CACNA2D3: variants seen among roughly 807,000 people sequenced by gnomAD.
The protein encoded by CACNA2D3 is calcium voltage-gated channel auxiliary subunit alpha2delta 3.
Under a neutral mutation model 160.6 loss-of-function variants are expected in CACNA2D3, and 60 were observed. The ratio of observed to expected loss-of-function variants is 0.37; its 90% CI spans 0.30 to 0.46. The LOEUF (loss-of-function observed/expected upper bound fraction) is 0.46. CACNA2D3 is among the 20% of genes least tolerant of loss of function. The pLI is 1.00. For synonymous variants in CACNA2D3, 558 were observed against 492.9 expected (o/e 1.13, Z -1.75); for missense variants, 1,205 against 1,365.0 (o/e 0.88, Z 1.85).
intron 2 of CACNA2D3, among the ~76,000 whole-genome samples, chr3:54,232,321 A>G (rs79414996): frequency 6.6e-6 from 1 of 152,070 alleles, no homozygotes; most frequent in South Asian, 2.1e-4. Flanking sequence ...GTGAGCATTA[A>G]ATGGGTTGTG....
intron 2 of CACNA2D3, among the ~76,000 whole-genome samples, chr3:54,149,913 CTCTCT>C (rs1700108524): frequency 4.2e-5 from 4 of 95,462 alleles, no homozygotes; most frequent in African/African-American, 1.8e-4. Context: ...CTCTCTCTCT[CTCTCT>C]CTCTCTCTCT....
chr3:54,463,372 T>C (rs1487465149), intron 4 of CACNA2D3, among the ~76,000 whole-genome samples: 1 of 152,226 alleles, frequency 6.6e-6, no homozygotes. Flanking sequence ...GCAGAGTGTT[T>C]TCCAACTTGG....
chr3:54,576,860 C>T (rs1402198), intron 8 of CACNA2D3, among the ~76,000 whole-genome samples: 9,321 of 152,042 alleles, frequency 0.061, 469 homozygotes, highest in Admixed American at 0.17. Context: ...ATAGGGAGAC[C>T]TTGTTGCTAC....
chr3:54,416,899 G>C (rs537514077), intron 4 of CACNA2D3, among the ~76,000 whole-genome samples: 3 of 152,178 alleles, frequency 2.0e-5, no homozygotes, highest in Non-Finnish European at 4.4e-5. Context: ...TTTTAAATTG[G>C]ATACAAAAAA....
At chr3:55,043,601 T>C (rs1008367652) in intron 35 of CACNA2D3, among the ~76,000 whole-genome samples, 1 of 152,178 alleles carries the variant, frequency 6.6e-6, no homozygotes, top group African/African-American at 2.4e-5. Flanking sequence ...GTCTTTTCAT[T>C]GTCTTAATAG....
chr3:54,159,355 G>T (rs1316825134), intron 2 of CACNA2D3, among the ~76,000 whole-genome samples: 1 of 151,800 alleles, frequency 6.6e-6, no homozygotes, highest in African/African-American at 2.4e-5. Flanking sequence ...TACAATTTTA[G>T]GTGCTTTGTC....
chr3:54,728,179 C>G (rs1701313376), intron 11 of CACNA2D3, among the ~76,000 whole-genome samples: 1 of 149,714 alleles, frequency 6.7e-6, no homozygotes, highest in South Asian at 2.1e-4. Context: ...TTTCCTTTGC[C>G]CCATTCTTTT....
At chr3:54,262,088 A>G (rs1702411281) in intron 2 of CACNA2D3, among the ~76,000 whole-genome samples, 1 of 152,158 alleles carries the variant, frequency 6.6e-6, no homozygotes, top group South Asian at 2.1e-4. Flanking sequence ...GAATTCTTCC[A>G]TATTTCACTT....
intron 35 of CACNA2D3, among the ~76,000 whole-genome samples, chr3:55,041,317 A>G (rs1372182321): frequency 6.6e-6 from 1 of 152,172 alleles, no homozygotes; most frequent in East Asian, 1.9e-4. Context: ...AAACACATAT[A>G]TAATTTTTCT....
At chr3:55,045,443 A>G (rs909024017) in intron 35 of CACNA2D3, among the ~76,000 whole-genome samples, 3 of 152,266 alleles carry the variant, frequency 2.0e-5, no homozygotes, top group Non-Finnish European at 2.9e-5. Flanking sequence ...CTCCTCTTTT[A>G]TATTCTAGAA....
At chr3:54,717,844 T>C (rs1293328742) in intron 11 of CACNA2D3, among the ~76,000 whole-genome samples, 3 of 146,766 alleles carry the variant, frequency 2.0e-5, no homozygotes, top group African/African-American at 7.6e-5. Context: ...TGCGTGAGTG[T>C]GTGTGTGGTG....
intron 35 of CACNA2D3, among the ~76,000 whole-genome samples, chr3:55,069,464 A>G (rs768466802): frequency 3.9e-5 from 6 of 152,098 alleles, no homozygotes; most frequent in Non-Finnish European, 8.8e-5. Context: ...ATGTTTTACT[A>G]GATTTATTCT....
intron 4 of CACNA2D3, among the ~76,000 whole-genome samples, chr3:54,479,411 C>A (rs933763625): frequency 2.6e-5 from 4 of 152,144 alleles, no homozygotes; most frequent in African/African-American, 4.8e-5. Flanking sequence ...TGGGACATAT[C>A]CCCTGAGAAT....
At chr3:54,352,887 T>G (rs948886474) in intron 3 of CACNA2D3, among the ~76,000 whole-genome samples, 1 of 152,196 alleles carries the variant, frequency 6.6e-6, no homozygotes, top group African/African-American at 2.4e-5. Flanking sequence ...TGTGGGTACA[T>G]AGTAGGTGTA....
intron 2 of CACNA2D3, among the ~76,000 whole-genome samples, chr3:54,301,076 G>A (rs1172977860): frequency 1.2e-4 from 18 of 151,756 alleles, no homozygotes; most frequent in Admixed American, 1.2e-3. Context: ...GCGACATAGT[G>A]AGATCTTGTC....
rs574674831 is a variant in CACNA2D3 at position 54,452,022 on chromosome 3, A to T, written c.382-51470A>T. On this transcript the variant is annotated intron_variant, in intron 4 of 37. Coordinates refer to ENST00000474759, the MANE Select transcript of CACNA2D3 (RefSeq NM_018398.3). Reference sequence around the variant, plus strand: ...ATAACATGTTCATAATTTCCTTTTAATGCCTCACTAGAAGTACCTTTAAAC... The same window carrying T: ...ATAACATGTTCATAATTTCCTTTTATTGCCTCACTAGAAGTACCTTTAAAC... Among the ~76,000 whole-genome samples the T allele has an allele frequency of 1.7e-4, 26 of 152,254 alleles. No individual in the cohort carries two copies. The South Asian group carries it at 5.4e-3, about 32-fold the overall frequency.
At chr3:54,358,708 A>T (rs1002761088) in intron 3 of CACNA2D3, among the ~76,000 whole-genome samples, 2 of 152,194 alleles carry the variant, frequency 1.3e-5, no homozygotes, top group African/African-American at 4.8e-5. Context: ...TGTAATTCCT[A>T]TTATGGTACT....
rs185956234 is a variant in CACNA2D3, at chr3:54,746,067, C to T, written c.1168-6532C>T. Among the ~76,000 whole-genome samples the T allele has an allele frequency of 3.0e-4, 46 of 152,202 alleles. 1 individual carries two copies. The highest frequency in any genetic ancestry group is 1.9e-4 in the East Asian group (1 of 5,178). On this transcript the variant is annotated intron_variant, in intron 11 of 37. Transcript: ENST00000474759. Reference sequence around the variant, plus strand: ...AGGATGTTTCTTCTTTTATTATGAGCGTGATGGCTTATAGATTAAAGCAGC... The same window carrying T: ...AGGATGTTTCTTCTTTTATTATGAGTGTGATGGCTTATAGATTAAAGCAGC...
chr3:54,703,713 A>G lies in CACNA2D3; in HGVS notation c.1168-48886A>G, dbSNP rs556266618. ...AAGCTATCAAGTTTAAACCTTGTTC[A>G]TACCTTCACACTGATGTTGTATCAT... On this transcript the variant is annotated intron_variant, in intron 11 of 37. Transcript: ENST00000474759. 3.3e-5 allele frequency among the ~76,000 whole-genome samples: 5 copies of G among 152,328 alleles called. No homozygotes were observed. The South Asian group carries it at 1.0e-3, about 32-fold the overall frequency.
Sources: gnomAD v4.1 joint callset for allele counts (sites outside exome capture counted in the v4.1 genomes callset) on GRCh38, gnomAD v4.1.1 for gene constraint, MANE v1.5 for transcripts, NCBI Gene and HGNC (gene_info 2026-07-23, HGNC 2026-07-21) for gene names.